The following KDM4C variants were observed in gnomAD, a reference collection of about 807,000 sequenced individuals.
KDM4C encodes the protein lysine demethylase 4C, also known as lysine-specific demethylase 4C.
A neutral mutation model predicts 129.3 loss-of-function variants in KDM4C; 81 were observed. The ratio of observed to expected loss-of-function variants is 0.63; its 90% CI spans 0.52 to 0.75. The LOEUF is 0.75. Among genes scored for constraint, KDM4C ranks in the 30% least tolerant of loss-of-function variants. The pLI, the probability that KDM4C is intolerant of heterozygous loss-of-function variation, is 0.00. For missense variants in KDM4C, 1,457 were observed against 1,304.0 expected (o/e 1.12, Z -1.81); for synonymous variants, 573 against 456.1 (o/e 1.26, Z -3.26).
At chr9:7,103,581 T>G (rs1243064794) in intron 17 of KDM4C, 104 bp from the exon 18 acceptor site, 3 of 334,240 alleles carry the variant, frequency 9.0e-6, no homozygotes, top group South Asian at 5.6e-5. Flanking sequence ...TAATCAGTTG[T>G]TTTTTTTTTT....
At chr9:6,826,623 TG>T (rs1833927642) in intron 4 of KDM4C, among the ~76,000 whole-genome samples, 1 of 152,154 alleles carries the variant, frequency 6.6e-6, no homozygotes, top group Non-Finnish European at 1.5e-5. Context: ...CCCAGCACTT[TG>T]GGAGGCCAAG....
At chr9:7,164,708 G>T (rs1423244727) in intron 19 of KDM4C, among the ~76,000 whole-genome samples, 1 of 152,148 alleles carries the variant, frequency 6.6e-6, no homozygotes, top group Admixed American at 6.5e-5. Flanking sequence ...CCACCTGGGT[G>T]TCTTTTAGTC....
intron 8 of KDM4C, among the ~76,000 whole-genome samples, chr9:6,894,367 A>G (rs1846526920): frequency 6.6e-6 from 1 of 152,202 alleles, no homozygotes; most frequent in Admixed American, 6.5e-5. Flanking sequence ...GAACTGTACT[A>G]CTACTTCACA....
At chr9:6,796,246 A>G (rs1827732284) in intron 2 of KDM4C, among the ~76,000 whole-genome samples, 1 of 152,030 alleles carries the variant, frequency 6.6e-6, no homozygotes, top group Middle Eastern at 3.2e-3. Flanking sequence ...GGAGTTCGAG[A>G]CCAGCCTGGC....
intron 1 of KDM4C, among the ~76,000 whole-genome samples, chr9:6,725,745 T>C (rs898244885): frequency 1.3e-5 from 2 of 148,792 alleles, no homozygotes; most frequent in African/African-American, 5.0e-5. Flanking sequence ...AGTCTGGATC[T>C]GTTGCCCAGG....
intron 17 of KDM4C, among the ~76,000 whole-genome samples, chr9:7,094,689 C>T (rs956520036): frequency 2.0e-5 from 3 of 152,154 alleles, no homozygotes; most frequent in Non-Finnish European, 2.9e-5. Context: ...AAAGGTGCTT[C>T]CTCTGAAAGG....
chr9:7,019,637 A>G (rs576942984), intron 15 of KDM4C, among the ~76,000 whole-genome samples: 1 of 148,874 alleles, frequency 6.7e-6, no homozygotes, highest in Non-Finnish European at 1.5e-5. Flanking sequence ...TGAGAATTGT[A>G]TGTGGTGGTT....
Position 6,984,400 on chromosome 9 carries a change from C to T in KDM4C, c.1350C>T (p.Leu450=). Residue 450 remains leucine, a synonymous_variant, in exon 10 of 22, where the codon CTC becomes CTT. Transcript: ENST00000381309. ...VEQNLSDHIK[L]SGNSCLSTSV... Reference sequence around the variant, plus strand: ...AGAATTTATCAGATCATATCAAACTCTCAGGTGAGAAGATGGTTGATTAGG... The same window carrying T: ...AGAATTTATCAGATCATATCAAACTTTCAGGTGAGAAGATGGTTGATTAGG... The T allele has an allele frequency of 6.2e-7, 1 of 1,600,510 alleles. No homozygotes were observed. Among genetic ancestry groups the T allele is most frequent in the East Asian group, 2.2e-5 (1 of 44,806 alleles).
chr9:7,061,460 A>G (rs910957893), intron 17 of KDM4C, among the ~76,000 whole-genome samples: 1 of 152,192 alleles, frequency 6.6e-6, no homozygotes, highest in East Asian at 1.9e-4. Context: ...CCCATTTTTA[A>G]TAACGGGAGC....
chr9:7,028,494 C>G (rs546521194), intron 15 of KDM4C, among the ~76,000 whole-genome samples: 2 of 151,626 alleles, frequency 1.3e-5, no homozygotes, highest in South Asian at 2.1e-4. Context: ...CTCTCTTCTC[C>G]TCTCCTCAAG....
At chr9:7,006,317 A>T (rs1258349978) in intron 12 of KDM4C, among the ~76,000 whole-genome samples, 1 of 152,074 alleles carries the variant, frequency 6.6e-6, no homozygotes, top group Non-Finnish European at 1.5e-5. Flanking sequence ...TTCTCATAAC[A>T]TGTCCTGTGG....
intron 17 of KDM4C, among the ~76,000 whole-genome samples, chr9:7,072,546 A>G (rs1833352121): frequency 6.6e-6 from 1 of 152,208 alleles, no homozygotes; most frequent in African/African-American, 2.4e-5. Flanking sequence ...GTTGAATTCA[A>G]TTTATGTCAC....
intron 17 of KDM4C, among the ~76,000 whole-genome samples, chr9:7,053,088 A>G (rs1345007891): frequency 6.6e-6 from 1 of 152,230 alleles, no homozygotes; most frequent in African/African-American, 2.4e-5. Context: ...GTATAAAGCT[A>G]GTAACTGCAA....
chr9:6,747,182 G>C (rs1169165939), intron 1 of KDM4C, among the ~76,000 whole-genome samples: 1 of 149,520 alleles, frequency 6.7e-6, no homozygotes, highest in Non-Finnish European at 1.5e-5. Flanking sequence ...GATAGAGCAA[G>C]ACTCTGTCTC....
chr9:7,067,132 C>G (rs1832533068), intron 17 of KDM4C, among the ~76,000 whole-genome samples: 1 of 152,204 alleles, frequency 6.6e-6, no homozygotes. Context: ...CATTTTCAGG[C>G]TTCTCAATTT....
chr9:6,939,639 G>C (rs1825474492), intron 8 of KDM4C, among the ~76,000 whole-genome samples: 1 of 152,144 alleles, frequency 6.6e-6, no homozygotes, highest in Non-Finnish European at 1.5e-5. Flanking sequence ...AGTGGTTATG[G>C]TTACTTAGAG....
At position 7,069,925 on chromosome 9, in the gene KDM4C, A is replaced by G. The variant is rs573711546; in HGVS notation, c.2424+20725A>G. 2.4e-4 allele frequency among the ~76,000 whole-genome samples: 36 copies of G among 152,362 alleles called. No homozygotes were observed. In the South Asian group the frequency reaches 5.2e-3, roughly 22 times the overall value. Reference sequence around the variant, plus strand: ...GTGCTACAATATTATTTGAAGATAGATTGTAATTGGGTATTATAAAGTGTA... The same window carrying G: ...GTGCTACAATATTATTTGAAGATAGGTTGTAATTGGGTATTATAAAGTGTA... On this transcript the variant is annotated intron_variant, in intron 17 of 21. Transcript: ENST00000381309.
intron 2 of KDM4C, among the ~76,000 whole-genome samples, chr9:6,801,595 T>G (rs780147337): frequency 2.0e-4 from 31 of 151,964 alleles, no homozygotes; most frequent in Non-Finnish European, 1.6e-4. Flanking sequence ...AGAGAATATA[T>G]TTACATGCTC....
chr9:6,915,216 T>C (rs901308844), intron 8 of KDM4C, among the ~76,000 whole-genome samples: 1 of 152,232 alleles, frequency 6.6e-6, no homozygotes, highest in Admixed American at 6.5e-5. Context: ...GGTAAAAATA[T>C]GCAAGAAGCA....
Sources: allele counts gnomAD v4.1 joint callset (sites outside exome capture counted in the v4.1 genomes callset), GRCh38; gene constraint gnomAD v4.1.1; transcripts MANE v1.5; gene names NCBI Gene and HGNC (gene_info 2026-07-23, HGNC 2026-07-21).